SPSB3: variants seen among roughly 807,000 people sequenced by gnomAD.
The protein encoded by SPSB3 is splA/ryanodine receptor domain and SOCS box containing 3, also known as SPRY domain-containing SOCS box protein 3.
SPSB3 carries 18 observed loss-of-function variants against 29.5 expected under a neutral mutation model. The observed-to-expected ratio is 0.61, with a 90% CI of 0.42 to 0.91. The LOEUF (loss-of-function observed/expected upper bound fraction) is 0.91. SPSB3 is among the 40% of genes least tolerant of loss of function. The pLI, the probability that SPSB3 is intolerant of heterozygous loss-of-function variation, is 0.00. For missense variants in SPSB3, 540 were observed against 507.5 expected, an observed-to-expected ratio of 1.06 and a Z score of -0.61; for synonymous variants, 299 against 214.1, an observed-to-expected ratio of 1.40 and a Z score of -3.46.
Position 1,778,254 on chromosome 16 carries a change from C to T in SPSB3, c.372G>A (p.Lys124=). 6.2e-7 allele frequency: 1 copy of T among 1,612,936 alleles called. No homozygotes were observed. Among genetic ancestry groups the T allele is most frequent in the Non-Finnish European group, 8.5e-7 (1 of 1,180,000 alleles). The change falls in exon 4 of 7, where the codon AAG becomes AAA. Residue 124 remains lysine, a synonymous_variant. Coordinates refer to ENST00000566339, the MANE Select transcript of SPSB3 (RefSeq NM_080861.4). The part of the protein sequence containing the change: ...SATLLSCDNR[K]VSFHMEYSCG... ...AGCTGTACTCCATGTGGAAGCTGAC[C>T]TTACGGTTGTCACAGCTCAGCAGGG...
intron 4 of SPSB3, 35 bp from the exon 5 acceptor site, chr16:1,778,083 G>A (rs910521337): frequency 6.2e-7 from 1 of 1,612,978 alleles, no homozygotes; most frequent in Admixed American, 1.7e-5. Context: ...GCGCGGGGCT[G>A]GGCTGCCGGA....
intron 2 of SPSB3, 133 bp from the exon 3 acceptor site, chr16:1,778,745 C>G: frequency 9.9e-7 from 1 of 1,007,350 alleles, no homozygotes; most frequent in South Asian, 1.8e-5. Context: ...AGGGACTTCA[C>G]AGTACCCCGA....
intron 2 of SPSB3, chr16:1,780,765 C>T: frequency 5.6e-6 from 1 of 177,132 alleles, no homozygotes; most frequent in East Asian, 1.6e-4. Context: ...CAGGGTCTAG[C>T]TCTGTCACCC....
At chr16:1,779,060 T>G in intron 2 of SPSB3, 1 of 161,224 alleles carries the variant, frequency 6.2e-6, no homozygotes, top group Non-Finnish European at 1.3e-5. Context: ...GACCTTCCTG[T>G]TACCTGAGCA....
At position 1,778,059 on chromosome 16, in the gene SPSB3, G is replaced by C. The variant is rs761386215; in HGVS notation, c.493-11C>G. On this transcript the variant is annotated splice_polypyrimidine_tract_variant and intron_variant, in intron 4 of 6. Transcript: ENST00000566339. ...CCCGATGCCCACCATCTAGGAACAG[G>C]GGCCAGGCAGAGGGCGCGGGGCTGG... The C allele has an allele frequency of 6.2e-7, 1 of 1,613,138 alleles. No homozygotes were observed. Among genetic ancestry groups the C allele is most frequent in the Non-Finnish European group, 8.5e-7 (1 of 1,179,992 alleles).
rs1314184454 is a variant in SPSB3, at chr16:1,776,829, C to T, written c.*268G>A. ...AACCGAGGCCCTGTGGGAACAGCAA[C>T]GCGGGCTCCAGCCAGGCTCTCGTCC... On this transcript the variant is annotated 3_prime_UTR_variant, in exon 7 of 7. Transcript: ENST00000566339. The T allele has an allele frequency of 5.7e-6, 3 of 528,634 alleles. No homozygotes were observed. Among genetic ancestry groups the T allele is most frequent in the Non-Finnish European group, 1.0e-5 (3 of 298,970 alleles). 32.7% of individuals were successfully genotyped at this position (528,634 alleles called of 1,614,324 possible). A position where few individuals can be genotyped will look rare whatever the true frequency, so the allele number is the denominator to read the frequency against.
chr16:1,778,658 C>T (rs757455324), intron 2 of SPSB3, 46 bp from the exon 3 acceptor site: 67 of 1,510,812 alleles, frequency 4.4e-5, no homozygotes, highest in South Asian at 7.7e-5. Flanking sequence ...CCGCTCTCTA[C>T]CCTCTCACCC....
chr16:1,778,616 G>A lies in SPSB3; in HGVS notation c.127-4C>T, dbSNP rs1331013592. ...GGTCGGAGTCCGAGTCGCTGTGCTG[G>A]GAGAGAAGGGCCGGCTGTTACTACC... On this transcript the variant is annotated splice_polypyrimidine_tract_variant and splice_region_variant and intron_variant, in intron 2 of 6. Coordinates refer to ENST00000566339, the MANE Select transcript of SPSB3 (RefSeq NM_080861.4). 2 of 1,541,284 alleles carry A rather than the reference G, an allele frequency of 1.3e-6. No homozygotes were observed. The highest frequency in any genetic ancestry group is 1.4e-5 in the African/African-American group (1 of 73,496).
At chr16:1,777,574 G>C (rs1032923536) in intron 6 of SPSB3, 131 bp from the exon 7 acceptor site, 11 of 1,346,552 alleles carry the variant, frequency 8.2e-6, no homozygotes, top group African/African-American at 1.5e-5. Context: ...GGGTGCACGC[G>C]CTGGCCCTGC....
chr16:1,779,810 C>G (rs764193919), intron 2 of SPSB3: 2 of 152,228 alleles, frequency 1.3e-5, no homozygotes, highest in African/African-American at 2.4e-5. Flanking sequence ...CCCGCAGGCA[C>G]GCCTGCATCC....
chr16:1,778,546 C>T lies in SPSB3; in HGVS notation c.193G>A (p.Val65Met), dbSNP rs1388681083. 7 of 1,608,062 alleles carry T rather than the reference C, an allele frequency of 4.4e-6. No homozygotes were observed. Among genetic ancestry groups the T allele is most frequent in the Admixed American group, 1.7e-5 (1 of 59,894 alleles). The change falls in exon 3 of 7, where the codon GTG becomes ATG. Residue 65 changes from valine to methionine, a missense_variant. Physicochemically the swap from Val to Met is conservative, Grantham distance 21. Transcript: ENST00000566339. ...CAGTCACAGAAGGACTCGCCGGTCA[C>T]GGGCACCGCACTGGGGATGGATGGC... The part of the protein sequence containing the change: ...LPPSIPSAVP[V>M]TGESFCDCAG...
intron 1 of SPSB3, chr16:1,781,929 A>ACCCGCCTGCATCCTCCT (rs1323204681): frequency 5.4e-6 from 1 of 186,814 alleles, no homozygotes; most frequent in African/African-American, 2.4e-5. Context: ...CGACCGCCGC[A>ACCCGCCTGCATCCTCCT]CCCGCCTGCA....
intron 2 of SPSB3, 174 bp downstream of exon 2, chr16:1,781,184 G>A (rs1284394561): frequency 1.3e-6 from 2 of 1,539,220 alleles, no homozygotes; most frequent in African/African-American, 2.7e-5. Flanking sequence ...CCAAATTAAA[G>A]AGTCTTACTG....
Position 1,777,387 on chromosome 16 carries a change from C to T in SPSB3, c.778G>A (p.Ala260Thr). 6.3e-7 allele frequency: 1 copy of T among 1,593,332 alleles called. No individual in the cohort carries two copies. Among genetic ancestry groups the T allele is most frequent in the Non-Finnish European group, 8.5e-7 (1 of 1,172,350 alleles). The change falls in exon 7 of 7, where the codon GCG becomes ACG. Residue 260 changes from alanine to threonine, a missense_variant. Physicochemically the swap from Ala to Thr is moderately conservative, Grantham distance 58. Coordinates refer to ENST00000566339, the MANE Select transcript of SPSB3 (RefSeq NM_080861.4). ...GTGACCTTCATGCTGCTCCGGGCCG[C>T]CGTGGAGCACACCATCGGGTAGAAT... ...KRFYPMVCST[A>T]ARSSMKVTRS...
rs767826339 is a variant in SPSB3, at chr16:1,781,349, G to A, written c.126+9C>T. 1.9e-6 allele frequency: 3 copies of A among 1,612,870 alleles called. No individual in the cohort carries two copies. The stretch of plus-strand genomic sequence containing the variant: ...GCCAGCCACGTCCGCCTCGCCCGCT[G>A]GAACCTACCTGCCCATCAGAGTCGT... On this transcript the variant is annotated intron_variant, in intron 2 of 6. Transcript: ENST00000566339.
chr16:1,777,830 C>T lies in SPSB3; in HGVS notation c.638G>A (p.Arg213Gln), dbSNP rs554439738. The T allele has an allele frequency of 9.9e-6, 16 of 1,612,832 alleles. 1 individual carries two copies. The highest frequency in any genetic ancestry group is 9.9e-5 in the South Asian group (9 of 91,056). ...HKGDKTSFSS[R>Q]FGQGSIIGVH... Reference sequence around the variant, plus strand: ...GCCAATGATGGAGCCCTGGCCGAACCGCGATGAGAAGCTGGTCTTGTCGCC... The same window carrying T: ...GCCAATGATGGAGCCCTGGCCGAACTGCGATGAGAAGCTGGTCTTGTCGCC... The change falls in exon 6 of 7, where the codon CGG becomes CAG. Residue 213 changes from arginine to glutamine, a missense_variant. By Grantham distance (43) the Arg-to-Gln change is conservative. Coordinates refer to ENST00000566339, the MANE Select transcript of SPSB3 (RefSeq NM_080861.4).
rs771013032 is a variant in SPSB3 at position 1,778,607 on chromosome 16, G to A, written c.132C>T (p.Ser44=). ...NWGYDSDGQH[S]DSDSDPEYST... ...AGTACTCGGGGTCGGAGTCCGAGTC[G>A]CTGTGCTGGGAGAGAAGGGCCGGCT... is the stretch of plus-strand genomic sequence containing the variant. Residue 44 remains serine, a synonymous_variant, in exon 3 of 7, where the codon AGC becomes AGT. Transcript: ENST00000566339. 40 of 1,552,748 alleles carry A rather than the reference G, an allele frequency of 2.6e-5. 1 individual carries two copies. Among genetic ancestry groups the A allele is most frequent in the Middle Eastern group, 2.1e-4 (1 of 4,720 alleles).
At position 1,776,914 on chromosome 16, in the gene SPSB3, C is replaced by T. The variant is rs182346735; in HGVS notation, c.*183G>A. The T allele has an allele frequency of 1.6e-5, 11 of 689,344 alleles. No homozygotes were observed. The African/African-American group carries it at 1.6e-4, about 10-fold the overall frequency. 42.7% of individuals were successfully genotyped at this position (689,344 alleles called of 1,614,324 possible). A position where few individuals can be genotyped will look rare whatever the true frequency, so the allele number is the denominator to read the frequency against. On this transcript the variant is annotated 3_prime_UTR_variant, in exon 7 of 7. Transcript: ENST00000566339. ...GCCGCTTCCCCACCCAGCACAGCAG[C>T]AGAGGGGCCCTAGAGCCCCCACAGA...
At chr16:1,777,692 G>A in intron 6 of SPSB3, 55 bp downstream of exon 6, 3 of 1,597,740 alleles carry the variant, frequency 1.9e-6, no homozygotes, top group South Asian at 2.2e-5. Context: ...GGGCGGGGTG[G>A]CTGCCTCCCT....
Sources: gnomAD v4.1 joint callset for allele counts on GRCh38, gnomAD v4.1.1 for gene constraint, MANE v1.5 for transcripts, NCBI Gene and HGNC (gene_info 2026-07-23, HGNC 2026-07-21) for gene names.